The following EEF1AKMT1 variants were observed in gnomAD, a reference collection of about 807,000 sequenced individuals.
EEF1AKMT1 encodes EEF1A lysine methyltransferase 1.
A neutral mutation model predicts 21.0 loss-of-function variants in EEF1AKMT1; 18 were observed. The observed-to-expected ratio is 0.86, with a 90% CI of 0.59 to 1.27. EEF1AKMT1 has a LOEUF of 1.27. Ranked by LOEUF, EEF1AKMT1 falls within the 50% of genes most tolerant of loss-of-function variation. The probability of loss-of-function intolerance (pLI) is 0.00; values close to 1 mark genes in which losing one functional copy is unlikely to be tolerated. For synonymous variants in EEF1AKMT1, 109 were observed against 94.8 expected (o/e 1.15, Z -0.87); for missense variants, 246 against 258.6 (o/e 0.95, Z 0.33).
chr13:20,733,069 G>T (rs1214649377), intron 3 of EEF1AKMT1, among the ~76,000 whole-genome samples: 8 of 149,610 alleles, frequency 5.3e-5, no homozygotes, highest in Admixed American at 1.3e-4. Flanking sequence ...CCTAAATACG[G>T]AATTATTGAG....
At chr13:20,759,616 A>C (rs1039625671) in intron 1 of EEF1AKMT1, among the ~76,000 whole-genome samples, 1 of 141,778 alleles carries the variant, frequency 7.1e-6, no homozygotes, top group Non-Finnish European at 1.5e-5. Flanking sequence ...AACAAAAAAA[A>C]AAAGAAACTG....
chr13:20,728,929 A>T lies in EEF1AKMT1; in HGVS notation c.*151T>A. The T allele has an allele frequency of 1.0e-6, 1 of 987,692 alleles. No homozygotes were observed. The highest frequency in any genetic ancestry group is 1.5e-6 in the Non-Finnish European group (1 of 660,158). 61.2% of individuals were successfully genotyped at this position (987,692 alleles called of 1,614,324 possible). ...GGGACGCCCTCCCTAAGGAAACAAT[A>T]ATGAAGATCGCACACTTTATTTTGA... On this transcript the variant is annotated 3_prime_UTR_variant, in exon 5 of 5. Coordinates refer to ENST00000382758, the MANE Select transcript of EEF1AKMT1 (RefSeq NM_001318939.2).
rs1292394091 is a variant in EEF1AKMT1 at position 20,732,388 on chromosome 13, G to A, written c.228-267C>T. The stretch of plus-strand genomic sequence containing the variant: ...ACTCTGTTGCCAAGGCTGGAGGGAA[G>A]TGGCGTGATCTCGGCTCACTGCAAC... On this transcript the variant is annotated intron_variant, in intron 3 of 4. Coordinates refer to ENST00000382758, the MANE Select transcript of EEF1AKMT1 (RefSeq NM_001318939.2). 3.3e-5 allele frequency among the ~76,000 whole-genome samples: 5 copies of A among 152,294 alleles called. No homozygotes were observed. The East Asian group carries it at 9.6e-4, about 29-fold the overall frequency.
rs56891551 is a variant in EEF1AKMT1 at position 20,760,104 on chromosome 13, CA to C, written c.-19-2488del. Among the ~76,000 whole-genome samples, 554 of 56,198 alleles carry C rather than the reference CA, an allele frequency of 9.9e-3. 2 individuals are homozygous for C. The highest frequency in any genetic ancestry group is 0.021 in the Admixed American group (77 of 3,696). 36.9% of individuals were successfully genotyped at this position (56,198 alleles called of 152,430 possible). A position where few individuals can be genotyped will look rare whatever the true frequency, so the allele number is the denominator to read the frequency against. On this transcript the variant is annotated intron_variant, in intron 1 of 4. Coordinates refer to ENST00000382758, the MANE Select transcript of EEF1AKMT1 (RefSeq NM_001318939.2). Reference sequence around the variant, plus strand: ...TGGGGAACAGAGCGAGACTCTGTCTCAAAAAAAAAAAAAAAAAAAAAGTCAA... The same window carrying C: ...TGGGGAACAGAGCGAGACTCTGTCTCAAAAAAAAAAAAAAAAAAAAGTCAA...
intron 1 of EEF1AKMT1, among the ~76,000 whole-genome samples, chr13:20,762,454 G>T (rs2059006112): frequency 6.6e-6 from 1 of 152,084 alleles, no homozygotes; most frequent in Non-Finnish European, 1.5e-5. Flanking sequence ...CTCCCAAAGT[G>T]CTGGGATTAC....
chr13:20,740,271 C>T (rs769755632), intron 2 of EEF1AKMT1, among the ~76,000 whole-genome samples: 7 of 152,222 alleles, frequency 4.6e-5, no homozygotes, highest in Non-Finnish European at 7.3e-5. Context: ...TGCTGGACTG[C>T]GAGTGCCACG....
At chr13:20,762,138 C>A (rs1364850654) in intron 1 of EEF1AKMT1, among the ~76,000 whole-genome samples, 1 of 150,894 alleles carries the variant, frequency 6.6e-6, no homozygotes, top group Non-Finnish European at 1.5e-5. Flanking sequence ...GCACATCTCT[C>A]CATTTATTTA....
chr13:20,760,261 CA>C (rs1446460062), intron 1 of EEF1AKMT1, among the ~76,000 whole-genome samples: 1 of 152,008 alleles, frequency 6.6e-6, no homozygotes, highest in Non-Finnish European at 1.5e-5. Context: ...GGACTATTCA[CA>C]ATAGTAAAGC....
intron 3 of EEF1AKMT1, among the ~76,000 whole-genome samples, chr13:20,736,021 A>G (rs1383414542): frequency 1.3e-5 from 2 of 152,216 alleles, no homozygotes; most frequent in Non-Finnish European, 2.9e-5. Flanking sequence ...AGAAGTTCCA[A>G]AAATAGGAAC....
intron 1 of EEF1AKMT1, among the ~76,000 whole-genome samples, chr13:20,765,405 GTTTTTTTTT>G (rs1171165259): frequency 2.7e-4 from 16 of 58,680 alleles, no homozygotes; most frequent in South Asian, 8.1e-4. Context: ...CTTCCCTTGG[GTTTTTTTTT>G]TTTTTTTTTT....
chr13:20,739,366 G>C (rs763411926), intron 2 of EEF1AKMT1, among the ~76,000 whole-genome samples: 2 of 152,138 alleles, frequency 1.3e-5, no homozygotes, highest in East Asian at 1.9e-4. Context: ...CGCTAAGCAG[G>C]GGCAGCCTGC....
intron 1 of EEF1AKMT1, among the ~76,000 whole-genome samples, chr13:20,758,805 T>C (rs1372955485): frequency 1.3e-5 from 2 of 152,064 alleles, no homozygotes; most frequent in African/African-American, 4.8e-5. Flanking sequence ...AACAGCATGG[T>C]ACAGATAAAA....
At chr13:20,753,544 G>A (rs778039146) in intron 2 of EEF1AKMT1, among the ~76,000 whole-genome samples, 12 of 152,048 alleles carry the variant, frequency 7.9e-5, no homozygotes, top group African/African-American at 1.4e-4. Context: ...TACTGTATTC[G>A]TGCCTATCTC....
At chr13:20,751,862 C>T (rs1405846936) in intron 2 of EEF1AKMT1, among the ~76,000 whole-genome samples, 1 of 152,070 alleles carries the variant, frequency 6.6e-6, no homozygotes, top group Non-Finnish European at 1.5e-5. Context: ...CACCTTTCAC[C>T]TCCTTGGTTA....
intron 1 of EEF1AKMT1, among the ~76,000 whole-genome samples, chr13:20,761,678 GA>G (rs1258987520): frequency 1.2e-5 from 1 of 81,264 alleles, no homozygotes; most frequent in African/African-American, 5.2e-5. Flanking sequence ...ATCAAATGAA[GA>G]ACTGAATCCC....
At chr13:20,744,029 C>T (rs2058888438) in intron 2 of EEF1AKMT1, among the ~76,000 whole-genome samples, 1 of 152,178 alleles carries the variant, frequency 6.6e-6, no homozygotes, top group African/African-American at 2.4e-5. Flanking sequence ...ATGAACTCAT[C>T]CTTTTTTATG....
At position 20,728,739 on chromosome 13, in the gene EEF1AKMT1, C is replaced by CGAGGCA. The variant is rs759278019; in HGVS notation, c.*335_*340dup. On this transcript the variant is annotated 3_prime_UTR_variant, in exon 5 of 5. Transcript: ENST00000382758. ...AGGATGCTACCAGACTGCTCTGGCCCGAGGCAGAGGCCAAGGTCCTGTCTC... is the reference window on the plus strand; with the variant it reads ...AGGATGCTACCAGACTGCTCTGGCCCGAGGCAGAGGCAGAGGCCAAGGTCCTGTCTC... The CGAGGCA allele has an allele frequency of 4.9e-4, 142 of 287,850 alleles. No individual in the cohort carries two copies. The highest frequency in any genetic ancestry group is 8.8e-4 in the Non-Finnish European group (132 of 150,494). 17.8% of individuals were successfully genotyped at this position (287,850 alleles called of 1,614,324 possible). A position where few individuals can be genotyped will look rare whatever the true frequency, so the allele number is the denominator to read the frequency against.
At chr13:20,738,297 A>G (rs1052610468) in intron 2 of EEF1AKMT1, among the ~76,000 whole-genome samples, 1 of 152,240 alleles carries the variant, frequency 6.6e-6, no homozygotes, top group African/African-American at 2.4e-5. Context: ...TGTTTCCTCA[A>G]TTACTTGTTT....
chr13:20,757,688 A>C, intron 1 of EEF1AKMT1, 71 bp from the exon 2 acceptor site: 2 of 1,277,244 alleles, frequency 1.6e-6, no homozygotes, highest in Non-Finnish European at 2.1e-6. Flanking sequence ...ATTTTTAAAA[A>C]TTTTTATTTA....
Sources: allele counts gnomAD v4.1 joint callset (sites outside exome capture counted in the v4.1 genomes callset), GRCh38; gene constraint gnomAD v4.1.1; transcripts MANE v1.5; gene names NCBI Gene and HGNC (gene_info 2026-07-23, HGNC 2026-07-21).